The following TTN variants were observed in gnomAD, a reference collection of about 807,000 sequenced individuals.
The protein encoded by TTN is connectin.
In TTN, 1,525 loss-of-function variants were observed where a neutral mutation model predicts 3,223.0. The observed-to-expected ratio is 0.47, with a 90% confidence interval of 0.45 to 0.49. TTN has a LOEUF of 0.49. TTN is among the 20% of genes least tolerant of loss of function. The pLI is 0.00. For synonymous variants in TTN, 14,094 were observed against 15,161.0 expected, an observed-to-expected ratio of 0.93 and a Z score of 5.17; for missense variants, 40,786 against 43,424.0, an observed-to-expected ratio of 0.94 and a Z score of 5.40.
At chr2:178,699,294 A>T (rs1035476389) in intron 111 of TTN, among the ~76,000 whole-genome samples, 2 of 150,232 alleles carry the variant, frequency 1.3e-5, no homozygotes, top group Admixed American at 1.3e-4. Context: ...AGTGGGTTTA[A>T]AGTCCTTTGT....
At position 178,704,534 on chromosome 2, in the gene TTN, C is replaced by T. The variant is rs189286381; in HGVS notation, c.29938G>A (p.Ala9980Thr). The change falls in exon 105 of 363, where the codon GCT becomes ACT. Residue 9980 changes from alanine (A) to threonine (T), a missense_variant. Ala to Thr is a moderately conservative substitution (Grantham distance 58, BLOSUM62 0). Coordinates refer to ENST00000589042, the MANE Select transcript of TTN (RefSeq NM_001267550.2). ...NYRLVCGPHI[A>T]SAKLTVIEPA... ...CCAATTACAGTTAGTTTAGCGCTAG[C>T]GATGTGTGGACCACAAACCAATCGA... The T allele has an allele frequency of 2.0e-4, 319 of 1,611,366 alleles. 2 individuals are homozygous for T. In the East Asian group the frequency reaches 5.8e-3, roughly 29 times the overall value.
rs1248662230 is a variant in TTN, at chr2:178,601,347, G to T, written c.55650C>A (p.Phe18550Leu). Reference sequence around the variant, plus strand: ...AACGGTTTTCTGCTCGCACACGGAAGAAATATTGCTGTTCAGAGAGGAGAT... The same window carrying T: ...AACGGTTTTCTGCTCGCACACGGAATAAATATTGCTGTTCAGAGAGGAGAT... ...VPDLLSEQQY[F>L]FRVRAENRFG... The change falls in exon 287 of 363, where the codon TTC (phenylalanine) becomes TTA (leucine). Residue 18550 changes from phenylalanine (F) to leucine (L), a missense_variant. Physicochemically the swap from Phe to Leu is conservative, Grantham distance 22. Coordinates refer to ENST00000589042, the MANE Select transcript of TTN (RefSeq NM_001267550.2). 1 of 1,611,672 alleles carries T rather than the reference G, an allele frequency of 6.2e-7. No homozygotes were observed. Among genetic ancestry groups the T allele is most frequent in the Non-Finnish European group, 8.5e-7 (1 of 1,178,646 alleles).
At chr2:178,746,700 C>T (rs1560973148) in intron 47 of TTN, 1 of 1,613,436 alleles carries the variant, frequency 6.2e-7, no homozygotes. Context: ...ACATTACCCA[C>T]TCTTTCCATT....
chr2:178,740,791 G>A lies in TTN; in HGVS notation c.12442C>T (p.Pro4148Ser), dbSNP rs1340668784. The A allele has an allele frequency of 1.9e-6, 3 of 1,613,576 alleles. No individual in the cohort carries two copies. The Admixed American group carries it at 5.0e-5, about 27-fold the overall frequency. ...TGTACAATCTGCAGCTGTAGGTTGG[G>A]AGATGGTTCCTTGAGAGGCTGAAAG... The part of the protein sequence containing the change: ...IHFQPLKEPS[P>S]NLQLQIVQSQ... The change falls in exon 48 of 363, where the codon CCC becomes TCC. Residue 4148 changes from proline (P) to serine (S), a missense_variant. Physicochemically the swap from Pro to Ser is moderately conservative, Grantham distance 74. Transcript: ENST00000589042.
rs1270287250 is a variant in TTN, at chr2:178,605,233, C to T, written c.53944G>A (p.Glu17982Lys). ...RGDTIKVKAG[E>K]PVHIPADVTG... ...ACATCTGCAGGGATGTGGACAGGCTCTCCTGCCTTAACTTTGATAGTGTCT... is the reference window on the plus strand; with the variant it reads ...ACATCTGCAGGGATGTGGACAGGCTTTCCTGCCTTAACTTTGATAGTGTCT... The change falls in exon 280 of 363, where the codon GAG becomes AAG. Residue 17982 changes from glutamate to lysine, a missense_variant. Coordinates refer to ENST00000589042, the MANE Select transcript of TTN (RefSeq NM_001267550.2). The T allele has an allele frequency of 1.9e-6, 3 of 1,610,214 alleles. No homozygotes were observed. Among genetic ancestry groups the T allele is most frequent in the African/African-American group, 2.7e-5 (2 of 74,732 alleles).
In TTN at chr2:178,678,393, C is replaced by T. The variant is rs998820545; in HGVS notation, c.33910+21G>A. The T allele has an allele frequency of 3.8e-6, 6 of 1,569,712 alleles. No individual in the cohort carries two copies. In the African/African-American group the frequency reaches 6.8e-5, roughly 18 times the overall value. ...ATGTGAGTTTTTTCCCCCAAGTACT[C>T]TAAGTGATGAAATTATGTACCTTTT... On this transcript the variant is annotated intron_variant, in intron 144 of 362. Coordinates refer to ENST00000589042, the MANE Select transcript of TTN (RefSeq NM_001267550.2).
rs1244449850 is a variant in TTN at position 178,639,069 on chromosome 2, G to T, written c.40876+630C>A. 2.0e-5 allele frequency among the ~76,000 whole-genome samples: 3 copies of T among 152,020 alleles called. No individual in the cohort carries two copies. In the East Asian group the frequency reaches 5.8e-4, roughly 29 times the overall value. On this transcript the variant is annotated intron_variant, in intron 223 of 362. Transcript: ENST00000589042. ...GGACTTGAGATACCTATATCATTAAGTTAGAACATTTAAGAAAATTATTAT... is the reference window on the plus strand; with the variant it reads ...GGACTTGAGATACCTATATCATTAATTTAGAACATTTAAGAAAATTATTAT...
Position 178,613,047 on chromosome 2 carries a change from T to C in TTN, c.49674A>G (p.Pro16558=). The C allele has an allele frequency of 6.2e-7, 1 of 1,612,706 alleles. No homozygotes were observed. Among genetic ancestry groups the C allele is most frequent in the Non-Finnish European group, 8.5e-7 (1 of 1,179,196 alleles). The part of the protein sequence containing the change: ...PIDPPWPPGK[P]TVKDVGKTSV... ...ATGTTTTGCCTACATCTTTTACAGT[T>C]GGTTTTCCAGGGGGCCATGGAGGAT... The change falls in exon 265 of 363, where the codon CCA becomes CCG. Residue 16558 remains proline (P), a synonymous_variant. Transcript: ENST00000589042.
rs146200341 is a variant in TTN, at chr2:178,557,593, A to G, written c.87707-38T>C. 9.3e-6 allele frequency: 15 copies of G among 1,613,202 alleles called. 2 individuals are homozygous for G. The South Asian group carries it at 1.4e-4, about 15-fold the overall frequency. Reference sequence around the variant, plus strand: ...GAAATCCTATAGATTAGTACAGACAATAACACATTTATGGTAAAAGAAAAC... The same window carrying G: ...GAAATCCTATAGATTAGTACAGACAGTAACACATTTATGGTAAAAGAAAAC... On this transcript the variant is annotated intron_variant, in intron 328 of 362. Coordinates refer to ENST00000589042, the MANE Select transcript of TTN (RefSeq NM_001267550.2).
chr2:178,589,048 C>T lies in TTN; in HGVS notation c.62677G>A (p.Gly20893Ser), dbSNP rs1576064478. The change falls in exon 304 of 363, where the codon GGC becomes AGC. Residue 20893 changes from glycine to serine, a missense_variant. By Grantham distance (56) the Gly-to-Ser change is moderately conservative. Coordinates refer to ENST00000589042, the MANE Select transcript of TTN (RefSeq NM_001267550.2). Reference protein sequence around the residue: ...VCWDPPEDDGGCEIQNYILEK... With the variant: ...VCWDPPEDDGSCEIQNYILEK... ...AGAATATAATTTTGGATTTCACAGCCACCATCATCTTCTGGTGGATCCCAG... is the reference window on the plus strand; with the variant it reads ...AGAATATAATTTTGGATTTCACAGCTACCATCATCTTCTGGTGGATCCCAG... 6.2e-7 allele frequency: 1 copy of T among 1,609,402 alleles called. No individual in the cohort carries two copies. Among genetic ancestry groups the T allele is most frequent in the Non-Finnish European group, 8.5e-7 (1 of 1,179,566 alleles).
Position 178,558,525 on chromosome 2 carries a change from G to C in TTN, c.86934C>G (p.Val28978=). The C allele has an allele frequency of 6.2e-7, 1 of 1,613,728 alleles. No individual in the cohort carries two copies. Among genetic ancestry groups the C allele is most frequent in the Non-Finnish European group, 8.5e-7 (1 of 1,179,804 alleles). Reference sequence around the variant, plus strand: ...TCTGTCCTTTTTCTAGTGCTTCAACGACATAGTGTACAATTCTGCTTCCGC... The same window carrying C: ...TCTGTCCTTTTTCTAGTGCTTCAACCACATAGTGTACAATTCTGCTTCCGC... ...HDGGSRIVHY[V]VEALEKGQKN... is the part of the protein sequence containing the mutation. Residue 28978 remains valine (V), a synonymous_variant, in exon 327 of 363, where the codon GTC becomes GTG. Transcript: ENST00000589042.
chr2:178,751,713 A>T, intron 47 of TTN: 1 of 1,613,332 alleles, frequency 6.2e-7, no homozygotes, highest in Non-Finnish European at 8.5e-7. Context: ...TCTAAGCTGG[A>T]AGAGTGATGG....
Position 178,714,385 on chromosome 2 carries a change from A to C in TTN, c.26389T>G (p.Ser8797Ala). 6.2e-7 allele frequency: 1 copy of C among 1,613,788 alleles called. No individual in the cohort carries two copies. Among genetic ancestry groups the C allele is most frequent in the African/African-American group, 1.3e-5 (1 of 75,036 alleles). The change falls in exon 91 of 363, where the codon TCA becomes GCA. Residue 8797 changes from serine (S) to alanine (A), a missense_variant. By Grantham distance (99) the Ser-to-Ala change is moderately conservative. Coordinates refer to ENST00000589042, the MANE Select transcript of TTN (RefSeq NM_001267550.2). The part of the protein sequence containing the change: ...YSENIATLQF[S>A]RVEPANAGKY... ...CCAGCATTGGCTGGTTCCACTCTTG[A>C]AAACTGTAAGGTTGCAATGTTTTCT...
rs374683153 is a variant in TTN, at chr2:178,634,818, C to T, written c.42056G>A (p.Arg14019His). 206 of 1,611,684 alleles carry T rather than the reference C, an allele frequency of 1.3e-4. 1 individual carries two copies. In the South Asian group the frequency reaches 2.0e-3, roughly 16 times the overall value. Residue 14019 changes from arginine (R) to histidine (H), a missense_variant, in exon 229 of 363, where the codon CGC becomes CAC. Physicochemically the swap from Arg to His is conservative, Grantham distance 29. Transcript: ENST00000589042. The surrounding 1 kb of genome is among the most constrained non-coding windows in gnomAD (Gnocchi z 4.6). ...TTTGACTTTGTGCAAAGTTAAGAAG[C>T]GTTTTCCACCTTCTGCTTTGATTTC... The part of the protein sequence containing the change: ...TCEIKAEGGK[R>H]FLTLHKVKLD...
chr2:178,561,341 A>T lies in TTN; in HGVS notation c.84791T>A (p.Ile28264Asn). The change falls in exon 326 of 363, where the codon ATC becomes AAC. Residue 28264 changes from isoleucine to asparagine, a missense_variant. Ile to Asn is a moderately radical substitution (Grantham distance 149, BLOSUM62 -3). Transcript: ENST00000589042. Reference sequence around the variant, plus strand: ...TTTAAGTGACACTGATTTTCTTGTGATATTTGTGACTTCAGGTTGTCCAGG... The same window carrying T: ...TTTAAGTGACACTGATTTTCTTGTGTTATTTGTGACTTCAGGTTGTCCAGG... ...DPPGQPEVTN[I>N]TRKSVSLKWS... The T allele has an allele frequency of 6.2e-7, 1 of 1,613,810 alleles. No individual in the cohort carries two copies. The highest frequency in any genetic ancestry group is 1.1e-5 in the South Asian group (1 of 91,078).
rs556395967 is a variant in TTN, at chr2:178,568,009, G to T, written c.78123C>A (p.Asn26041Lys). The change falls in exon 326 of 363, where the codon AAC (asparagine) becomes AAA (lysine). Residue 26041 changes from asparagine (N) to lysine (K), a missense_variant. Coordinates refer to ENST00000589042, the MANE Select transcript of TTN (RefSeq NM_001267550.2). ...ATTGGGTGTCATGAATAATAGTTTT[G>T]TTGACCTTTGTCCACAAAATACTGT... ...ERNSILWTKV[N>K]KTIIHDTQFK... 5 of 1,613,334 alleles carry T rather than the reference G, an allele frequency of 3.1e-6. No homozygotes were observed. The East Asian group carries it at 1.1e-4, about 36-fold the overall frequency.
In TTN at chr2:178,530,549, C is replaced by T. The variant is rs886055218; in HGVS notation, c.106066G>A (p.Glu35356Lys). ...TCACCAGAAATCTCACAAACATATT[C>T]TCCTTGATCAGATTCAGTGAGGTTA... ...INNLTESDQG[E>K]YVCEISGEGG... The change falls in exon 358 of 363, where the codon GAA becomes AAA. Residue 35356 changes from glutamate (E) to lysine (K), a missense_variant. Physicochemically the swap from Glu to Lys is moderately conservative, Grantham distance 56. Transcript: ENST00000589042. 2 of 1,613,952 alleles carry T rather than the reference C, an allele frequency of 1.2e-6. No individual in the cohort carries two copies. The highest frequency in any genetic ancestry group is 8.5e-7 in the Non-Finnish European group (1 of 1,179,868).
Position 178,582,288 on chromosome 2 carries a change from G to GT in TTN, c.66160+7dup. 1 of 1,581,878 alleles carries GT rather than the reference G, an allele frequency of 6.3e-7. No homozygotes were observed. Among genetic ancestry groups the GT allele is most frequent in the Non-Finnish European group, 8.6e-7 (1 of 1,169,114 alleles). On this transcript the variant is annotated splice_region_variant and intron_variant, in intron 314 of 362. Transcript: ENST00000589042. ...ATAAAATGAAAAACCACCGGGAAAT[G>GT]TTCCTACCATATGGGTTTTTGGCAA...
At position 178,604,776 on chromosome 2, in the gene TTN, G is replaced by A. The variant is rs765739434; in HGVS notation, c.54313C>T (p.Arg18105Cys). Reference protein sequence around the residue: ...SEITHYVIDKRDASRKKAEWE... With the variant: ...SEITHYVIDKCDASRKKAEWE... ...TCTGCTTTCTTCCTACTTGCATCAC[G>A]TTTGTCAATAACATAATGGGTGATT... The change falls in exon 281 of 363, where the codon CGT becomes TGT. Residue 18105 changes from arginine to cysteine, a missense_variant. Physicochemically the swap from Arg to Cys is radical, Grantham distance 180. Transcript: ENST00000589042. The A allele has an allele frequency of 2.0e-5, 33 of 1,611,958 alleles. No individual in the cohort carries two copies. The highest frequency in any genetic ancestry group is 4.4e-5 in the South Asian group (4 of 90,912).
Sources: gnomAD v4.1 joint callset for allele counts (sites outside exome capture counted in the v4.1 genomes callset) on GRCh38, gnomAD v4.1.1 for gene constraint, Gnocchi (gnomAD v3.1) non-coding constraint, MANE v1.5 for transcripts, NCBI Gene and HGNC (gene_info 2026-07-23, HGNC 2026-07-21) for gene names.